Variants in COL21A1 observed in about 807,000 individuals in gnomAD.
COL21A1 encodes collagen alpha-1(XXI) chain.
A neutral mutation model predicts 137.9 loss-of-function variants in COL21A1; 149 were observed. That is an observed-to-expected ratio of 1.08 (90% confidence interval 0.95 to 1.24). COL21A1 has a LOEUF of 1.24. COL21A1 is among the 50% of genes most tolerant of loss of function. COL21A1 has a pLI of 0.00. For synonymous variants in COL21A1, 456 were observed against 391.5 expected, an observed-to-expected ratio of 1.16 and a Z score of -1.95; for missense variants, 1,167 against 1,158.4, an observed-to-expected ratio of 1.01 and a Z score of -0.11.
chr6:56,193,671 GAAA>G (rs561443202), intron 1 of COL21A1, among the ~76,000 whole-genome samples: 2 of 151,366 alleles, frequency 1.3e-5, no homozygotes, highest in South Asian at 2.1e-4. Flanking sequence ...ATACTTCAAT[GAAA>G]AAAAACTAGT....
chr6:56,249,780 A>G (rs1397726500), upstream of COL21A1, among the ~76,000 whole-genome samples: 1 of 152,190 alleles, frequency 6.6e-6, no homozygotes, highest in Non-Finnish European at 1.5e-5. Flanking sequence ...GGTGATAAAA[A>G]TGCTCTGGAG....
chr6:56,223,822 G>C (rs923645064), intron 1 of COL21A1, among the ~76,000 whole-genome samples: 3 of 152,028 alleles, frequency 2.0e-5, no homozygotes, highest in Non-Finnish European at 4.4e-5. Context: ...CTTATGAGAA[G>C]TAAATTAATT....
intron 16 of COL21A1, among the ~76,000 whole-genome samples, chr6:56,114,873 C>T (rs1386756930): frequency 6.2e-5 from 9 of 144,590 alleles, no homozygotes; most frequent in South Asian, 2.3e-4. Flanking sequence ...CACATGCACA[C>T]GTATGTTTAT....
At chr6:56,246,369 C>G (rs1311406143) in intron 1 of COL21A1, among the ~76,000 whole-genome samples, 7 of 152,076 alleles carry the variant, frequency 4.6e-5, no homozygotes, top group Admixed American at 4.6e-4. Flanking sequence ...AGGAAAAATT[C>G]CTATTCTCTC....
intron 1 of COL21A1, among the ~76,000 whole-genome samples, chr6:56,336,973 C>T (rs559383135): frequency 2.0e-5 from 3 of 152,236 alleles, no homozygotes; most frequent in Admixed American, 2.0e-4. Flanking sequence ...TGCCTTTTTT[C>T]ACATTTAAAT....
intron 17 of COL21A1, among the ~76,000 whole-genome samples, chr6:56,090,252 C>G (rs1438044270): frequency 6.6e-6 from 1 of 152,064 alleles, no homozygotes; most frequent in African/African-American, 2.4e-5. Context: ...AAAAAGATTT[C>G]TTAGAACAAC....
intron 1 of COL21A1, among the ~76,000 whole-genome samples, chr6:56,298,093 C>T (rs376082581): frequency 8.0e-4 from 113 of 141,000 alleles, no homozygotes; most frequent in African/African-American, 2.3e-3. Flanking sequence ...TATAGTAATA[C>T]GGATGCTAAA....
chr6:56,260,340 T>C (rs1763220401), intron 1 of COL21A1, among the ~76,000 whole-genome samples: 1 of 151,748 alleles, frequency 6.6e-6, no homozygotes, highest in Non-Finnish European at 1.5e-5. Context: ...TCCCAGCACT[T>C]TGGGAGCAGA....
intron 9 of COL21A1, among the ~76,000 whole-genome samples, chr6:56,162,030 C>T (rs1776240906): frequency 6.6e-6 from 1 of 152,136 alleles, no homozygotes; most frequent in African/African-American, 2.4e-5. Flanking sequence ...AAGCATATAA[C>T]AAAAATGGCC....
chr6:56,219,451 C>T (rs9475636), intron 1 of COL21A1, among the ~76,000 whole-genome samples: 2,002 of 152,178 alleles, frequency 0.013, 42 homozygotes, highest in African/African-American at 0.045. Flanking sequence ...ATATAACCAA[C>T]ACTTCAAAAG....
chr6:56,128,983 C>T (rs562318297), intron 12 of COL21A1, among the ~76,000 whole-genome samples: 1 of 152,254 alleles, frequency 6.6e-6, no homozygotes, highest in East Asian at 1.9e-4. Flanking sequence ...TTTAGTACAA[C>T]TCTCCCTCCT....
intron 1 of COL21A1, among the ~76,000 whole-genome samples, chr6:56,268,887 C>A (rs72877980): frequency 0.015 from 2,283 of 152,204 alleles, 24 homozygotes; most frequent in South Asian, 0.024. Context: ...GTAAGATGAT[C>A]CAAGAGCTGA....
intron 1 of COL21A1, among the ~76,000 whole-genome samples, chr6:56,208,836 G>A (rs926783051): frequency 3.3e-5 from 5 of 151,920 alleles, no homozygotes; most frequent in African/African-American, 7.2e-5. Context: ...TATACAGACC[G>A]ACGGAACAGA....
At chr6:56,247,069 G>T (rs1475014776) in intron 1 of COL21A1, among the ~76,000 whole-genome samples, 1 of 152,208 alleles carries the variant, frequency 6.6e-6, no homozygotes, top group Non-Finnish European at 1.5e-5. Context: ...TAAAAGCTGA[G>T]GGTGGGGTTG....
rs1209614122 is a variant in COL21A1, at chr6:56,101,526, C to G, written c.1759-1G>C. The G allele has an allele frequency of 1.3e-6, 2 of 1,582,862 alleles. No homozygotes were observed. Among genetic ancestry groups the G allele is most frequent in the Non-Finnish European group, 1.7e-6 (2 of 1,162,938 alleles). The stretch of plus-strand genomic sequence containing the variant: ...GAGCACCAGGGGATCCTGCTTCTCC[C>G]TTTTAATGATTTGACAAAAAGAAAT... On this transcript the variant is annotated splice_acceptor_variant, in intron 16 of 29. Transcript: ENST00000244728. LOFTEE classifies it high-confidence loss of function.
chr6:56,111,059 T>A (rs544250918), intron 16 of COL21A1, among the ~76,000 whole-genome samples: 1 of 151,512 alleles, frequency 6.6e-6, no homozygotes, highest in South Asian at 2.1e-4. Flanking sequence ...AAACAGGTGA[T>A]CATCATTAAT....
Position 56,142,047 on chromosome 6 carries a change from G to A in COL21A1, c.1435-64C>T, listed in dbSNP as rs574311710. 1.8e-4 allele frequency: 208 copies of A among 1,181,796 alleles called. 1 individual carries two copies. In the East Asian group the frequency reaches 3.2e-3, roughly 18 times the overall value. The allele number at this position is 1,181,796 out of a possible 1,614,324, so 73.2% of individuals were successfully genotyped here. Reference sequence around the variant, plus strand: ...TCATATTTACCAAGAGAAGTTCTTCGTTTCAGAATTCACTCTTATCTCAAG... The same window carrying A: ...TCATATTTACCAAGAGAAGTTCTTCATTTCAGAATTCACTCTTATCTCAAG... On this transcript the variant is annotated intron_variant, in intron 10 of 29. Coordinates refer to ENST00000244728, the MANE Select transcript of COL21A1 (RefSeq NM_030820.4).
intron 1 of COL21A1, among the ~76,000 whole-genome samples, chr6:56,376,912 T>C (rs1263578057): frequency 1.5e-5 from 2 of 136,116 alleles, no homozygotes; most frequent in Non-Finnish European, 3.0e-5. Flanking sequence ...AAAAATCAGG[T>C]GGGCACCCAC....
chr6:56,160,008 C>T (rs1174542926), intron 9 of COL21A1, among the ~76,000 whole-genome samples: 3 of 152,036 alleles, frequency 2.0e-5, no homozygotes, highest in Non-Finnish European at 4.4e-5. Flanking sequence ...GGTCAACAGC[C>T]CCAAGAAGAA....
Sources: gnomAD v4.1 joint callset for allele counts (sites outside exome capture counted in the v4.1 genomes callset) on GRCh38, gnomAD v4.1.1 for gene constraint, MANE v1.5 for transcripts, NCBI Gene and HGNC (gene_info 2026-07-23, HGNC 2026-07-21) for gene names.